Variants in NRXN1 observed in about 807,000 individuals in gnomAD.
NRXN1 encodes the protein neurexin 1.
In NRXN1, 39 loss-of-function variants were observed where a neutral mutation model predicts 150.9. That is an observed-to-expected ratio of 0.26 (90% CI 0.20 to 0.34). NRXN1 has a LOEUF of 0.34. NRXN1 is among the 10% of genes least tolerant of loss of function. The pLI, the probability that NRXN1 is intolerant of heterozygous loss-of-function variation, is 1.00. For synonymous variants in NRXN1, 924 were observed against 757.0 expected, an observed-to-expected ratio of 1.22 and a Z score of -3.62; for missense variants, 1,815 against 1,949.9, an observed-to-expected ratio of 0.93 and a Z score of 1.30.
chr2:50,590,122 C>T (rs926496825), intron 8 of NRXN1, among the ~76,000 whole-genome samples: 1 of 152,028 alleles, frequency 6.6e-6, no homozygotes, highest in African/African-American at 2.4e-5. Context: ...TTTTAAAACA[C>T]CTTGTAAATG....
chr2:50,188,925 T>C (rs2061266571), intron 18 of NRXN1, among the ~76,000 whole-genome samples: 1 of 152,096 alleles, frequency 6.6e-6, no homozygotes, highest in Non-Finnish European at 1.5e-5. Flanking sequence ...TTTGGGAGTG[T>C]AAATTAGTTC....
At chr2:49,932,433 ATTC>A (rs1404824043) in intron 22 of NRXN1, among the ~76,000 whole-genome samples, 1 of 152,082 alleles carries the variant, frequency 6.6e-6, no homozygotes, top group Non-Finnish European at 1.5e-5. Flanking sequence ...TGCTGAAGTC[ATTC>A]TTCTTATCCT....
intron 5 of NRXN1, among the ~76,000 whole-genome samples, chr2:50,675,742 C>T (rs1373600519): frequency 6.6e-6 from 1 of 151,938 alleles, no homozygotes; most frequent in Non-Finnish European, 1.5e-5. Context: ...GCATGCTATT[C>T]TTTGAGGAAT....
At chr2:50,479,144 C>T (rs906548022) in intron 15 of NRXN1, among the ~76,000 whole-genome samples, 5 of 152,190 alleles carry the variant, frequency 3.3e-5, no homozygotes, top group African/African-American at 9.6e-5. Flanking sequence ...AAACTTTGAA[C>T]TATCTTTCAA....
intron 21 of NRXN1, among the ~76,000 whole-genome samples, chr2:50,029,755 GGC>G (rs1688911785): frequency 6.6e-6 from 1 of 152,008 alleles, no homozygotes; most frequent in Admixed American, 6.6e-5. Flanking sequence ...TCAGCAGTAG[GGC>G]ACATTGGGCT....
At chr2:50,923,043 T>C (rs1686307721) in intron 3 of NRXN1, among the ~76,000 whole-genome samples, 1 of 151,886 alleles carries the variant, frequency 6.6e-6, no homozygotes, top group Non-Finnish European at 1.5e-5. Flanking sequence ...CCCACAGGGC[T>C]TGTAATTCTT....
chr2:50,263,440 A>G (rs866736511), intron 17 of NRXN1, among the ~76,000 whole-genome samples: 9 of 152,108 alleles, frequency 5.9e-5, no homozygotes, highest in South Asian at 4.1e-4. Flanking sequence ...CAAATGACAC[A>G]AATTATTATT....
intron 17 of NRXN1, among the ~76,000 whole-genome samples, chr2:50,284,907 T>A (rs2071927024): frequency 6.6e-6 from 1 of 152,132 alleles, no homozygotes; most frequent in Non-Finnish European, 1.5e-5. Flanking sequence ...ACAGGCTAAT[T>A]GATTAAAAAA....
intron 18 of NRXN1, among the ~76,000 whole-genome samples, chr2:50,107,540 T>TATATATATA (rs1553617159): frequency 9.7e-4 from 107 of 110,438 alleles, no homozygotes; most frequent in Middle Eastern, 4.8e-3. Context: ...TATATATATA[T>TATATATATA]TTTTTTTTTT....
intron 7 of NRXN1, 107 bp from the exon 8 acceptor site, chr2:50,620,290 G>C (rs1262609330): frequency 7.8e-7 from 1 of 1,278,760 alleles, no homozygotes; most frequent in Non-Finnish European, 1.1e-6. Flanking sequence ...GTTTTGTTTT[G>C]TTTTGCTTTT....
chr2:50,543,288 T>A (rs1005081958), intron 9 of NRXN1, among the ~76,000 whole-genome samples: 13 of 152,124 alleles, frequency 8.5e-5, no homozygotes, highest in African/African-American at 3.1e-4. Flanking sequence ...ATGTAAACAT[T>A]GTTACATTAA....
chr2:50,566,041 AC>A (rs1463313580), intron 8 of NRXN1, among the ~76,000 whole-genome samples: 2 of 152,158 alleles, frequency 1.3e-5, no homozygotes, highest in Non-Finnish European at 1.5e-5. Context: ...GCTCATTAGC[AC>A]AGCGATGCTG....
At chr2:51,001,358 T>C (rs1401191303) in intron 2 of NRXN1, among the ~76,000 whole-genome samples, 3 of 151,776 alleles carry the variant, frequency 2.0e-5, no homozygotes, top group Non-Finnish European at 2.9e-5. Flanking sequence ...ACTCAGAACA[T>C]CAGTTTGTTG....
chr2:50,198,525 T>C (rs984857204), intron 18 of NRXN1, among the ~76,000 whole-genome samples: 1 of 152,158 alleles, frequency 6.6e-6, no homozygotes, highest in African/African-American at 2.4e-5. Context: ...ACTGAAGAAA[T>C]ATAGTTCCTT....
intron 17 of NRXN1, among the ~76,000 whole-genome samples, chr2:50,268,280 A>C (rs979395825): frequency 6.6e-6 from 1 of 152,186 alleles, no homozygotes; most frequent in Non-Finnish European, 1.5e-5. Flanking sequence ...GAAAGAGAAG[A>C]AGCCAATTAT....
intron 17 of NRXN1, among the ~76,000 whole-genome samples, chr2:50,461,170 T>C (rs2088163875): frequency 6.6e-6 from 1 of 151,986 alleles, no homozygotes; most frequent in Admixed American, 6.6e-5. Context: ...GGAAGTGTAT[T>C]TTATCCTCAT....
chr2:50,791,907 T>C (rs879151186), intron 5 of NRXN1, among the ~76,000 whole-genome samples: 1 of 152,120 alleles, frequency 6.6e-6, no homozygotes, highest in African/African-American at 2.4e-5. Flanking sequence ...TCTAAAAGCA[T>C]ACATTTCTGT....
chr2:50,153,126 C>T (rs184785248), intron 18 of NRXN1, among the ~76,000 whole-genome samples: 148 of 151,652 alleles, frequency 9.8e-4, no homozygotes, highest in Admixed American at 1.6e-3. Context: ...TATTTTATTC[C>T]CTCTAGTAAA....
intron 21 of NRXN1, chr2:50,019,260 C>T (rs969777007): frequency 8.3e-5 from 39 of 471,324 alleles, no homozygotes; most frequent in Non-Finnish European, 1.5e-4. Flanking sequence ...TGGGTTTTGG[C>T]CTGTTCTCCA....
Sources: gnomAD v4.1 joint callset for allele counts (sites outside exome capture counted in the v4.1 genomes callset) on GRCh38, gnomAD v4.1.1 for gene constraint, MANE v1.5 for transcripts, NCBI Gene and HGNC (gene_info 2026-07-23, HGNC 2026-07-21) for gene names.